The following UBE2H variants were observed in gnomAD, a reference collection of about 807,000 sequenced individuals.
UBE2H encodes ubiquitin-conjugating enzyme E2 H.
In UBE2H, 3 loss-of-function variants were observed where a neutral mutation model predicts 29.0. That is an observed-to-expected ratio of 0.10 (90% CI 0.05 to 0.27). The LOEUF is 0.27. Ranked by LOEUF, UBE2H falls within the 10% of genes least tolerant of loss-of-function variation. The probability of loss-of-function intolerance (pLI) is 1.00; values close to 1 mark genes in which losing one functional copy is unlikely to be tolerated. For missense variants in UBE2H, 68 were observed against 228.2 expected (o/e 0.30, Z 4.52); for synonymous variants, 69 against 82.9 (o/e 0.83, Z 0.91).
chr7:129,927,730 G>A (rs1807300009), intron 1 of UBE2H, among the ~76,000 whole-genome samples: 1 of 152,082 alleles, frequency 6.6e-6, no homozygotes, highest in Non-Finnish European at 1.5e-5. Context: ...GACATGTATC[G>A]CATATTCTCA....
At chr7:129,849,999 G>A (rs2727460) in intron 5 of UBE2H, among the ~76,000 whole-genome samples, 146,478 of 152,260 alleles carry the variant, frequency 0.96, 70,626 homozygotes, top group East Asian at 1. Flanking sequence ...TAAAAAAACA[G>A]AAACAGGTGA....
chr7:129,917,504 T>C (rs955819918), intron 1 of UBE2H, among the ~76,000 whole-genome samples: 1 of 152,136 alleles, frequency 6.6e-6, no homozygotes, highest in African/African-American at 2.4e-5. Context: ...CAAAAGACCA[T>C]GAGGCTGAGA....
At chr7:129,894,785 G>T (rs920720748) in intron 1 of UBE2H, among the ~76,000 whole-genome samples, 1 of 151,788 alleles carries the variant, frequency 6.6e-6, no homozygotes, top group South Asian at 2.1e-4. Context: ...CACCGCGCCC[G>T]GCCCATACCC....
At chr7:129,835,402 A>G (rs537688066) in intron 6 of UBE2H, among the ~76,000 whole-genome samples, 4 of 152,310 alleles carry the variant, frequency 2.6e-5, no homozygotes, top group African/African-American at 7.2e-5. Flanking sequence ...CATCTCCCAG[A>G]TAGTATAGGA....
chr7:129,884,077 C>T (rs1806308684), intron 1 of UBE2H, among the ~76,000 whole-genome samples: 1 of 152,108 alleles, frequency 6.6e-6, no homozygotes, highest in South Asian at 2.1e-4. Flanking sequence ...GCCTGGGTGA[C>T]AGAGTGTGAC....
At chr7:129,876,505 G>A (rs577366885) in intron 3 of UBE2H, among the ~76,000 whole-genome samples, 1 of 152,186 alleles carries the variant, frequency 6.6e-6, no homozygotes, top group Non-Finnish European at 1.5e-5. Context: ...AATATTCAGC[G>A]ATGTTATAGT....
At chr7:129,943,505 C>T (rs967418726) in intron 1 of UBE2H, among the ~76,000 whole-genome samples, 1 of 151,782 alleles carries the variant, frequency 6.6e-6, no homozygotes, top group East Asian at 1.9e-4. Flanking sequence ...TTAGGCCAAG[C>T]GCCGGGAGGC....
At chr7:129,862,448 T>A (rs1278233048) in intron 3 of UBE2H, among the ~76,000 whole-genome samples, 1 of 151,806 alleles carries the variant, frequency 6.6e-6, no homozygotes, top group Non-Finnish European at 1.5e-5. Context: ...TTAGAAAAAA[T>A]AAGTCCTACA....
intron 1 of UBE2H, among the ~76,000 whole-genome samples, chr7:129,912,269 G>A (rs1160215239): frequency 1.3e-5 from 2 of 152,170 alleles, no homozygotes; most frequent in Non-Finnish European, 2.9e-5. Context: ...TTTACTACAG[G>A]CTGAGTATTC....
chr7:129,939,383 T>C (rs1184081647), intron 1 of UBE2H, among the ~76,000 whole-genome samples: 1 of 152,138 alleles, frequency 6.6e-6, no homozygotes, highest in African/African-American at 2.4e-5. Context: ...GGAATACAAT[T>C]AAAAGAGTTA....
At chr7:129,880,745 G>T in intron 2 of UBE2H, 150 bp downstream of exon 2, 1 of 648,334 alleles carries the variant, frequency 1.5e-6, no homozygotes, top group Non-Finnish European at 2.6e-6. Context: ...TAAAGTGATT[G>T]TGATAAGAGA....
chr7:129,849,555 G>A (rs2116294265), intron 5 of UBE2H, among the ~76,000 whole-genome samples: 1 of 152,216 alleles, frequency 6.6e-6, no homozygotes, highest in South Asian at 2.1e-4. Flanking sequence ...TCCAGCCTGA[G>A]TGACAGAGCA....
rs570993990 is a variant in UBE2H, at chr7:129,865,853, A to AT, written c.206-6913dup. On this transcript the variant is annotated intron_variant, in intron 3 of 6. Transcript: ENST00000355621. Reference sequence around the variant, plus strand: ...ACTGAATCTCATCTTCCCTTGCAGTATCTCAGACTATAAATTATTTAAGGG... The same window carrying AT: ...ACTGAATCTCATCTTCCCTTGCAGTATTCTCAGACTATAAATTATTTAAGGG... Among the ~76,000 whole-genome samples, 30 of 152,340 alleles carry AT rather than the reference A, an allele frequency of 2.0e-4. 2 individuals are homozygous for AT. In the East Asian group the frequency reaches 3.9e-3, roughly 20 times the overall value.
At chr7:129,951,228 ACACT>A (rs1281577854) in intron 1 of UBE2H, 1 of 152,228 alleles carries the variant, frequency 6.6e-6, no homozygotes, top group African/African-American at 2.4e-5. Context: ...AAGAGGTAAA[ACACT>A]CAATCAAAAA....
chr7:129,892,413 G>C (rs547073607), intron 1 of UBE2H, among the ~76,000 whole-genome samples: 1 of 151,728 alleles, frequency 6.6e-6, no homozygotes, highest in Non-Finnish European at 1.5e-5. Context: ...CACCACGCCC[G>C]GCTAATTTTT....
intron 1 of UBE2H, among the ~76,000 whole-genome samples, chr7:129,919,147 G>C (rs760291352): frequency 2.7e-4 from 39 of 143,040 alleles, no homozygotes; most frequent in Non-Finnish European, 1.8e-4. Context: ...GCACATGGAT[G>C]AAAGGAAATG....
intron 3 of UBE2H, among the ~76,000 whole-genome samples, chr7:129,867,783 A>G (rs568994968): frequency 8.2e-5 from 9 of 109,910 alleles, no homozygotes; most frequent in Non-Finnish European, 1.7e-4. Flanking sequence ...AAATTAGATT[A>G]AAAAAAAAAA....
chr7:129,848,793 G>A (rs1042030870), intron 5 of UBE2H, among the ~76,000 whole-genome samples: 1 of 150,596 alleles, frequency 6.6e-6, no homozygotes, highest in Non-Finnish European at 1.5e-5. Flanking sequence ...ATTATTTTTG[G>A]TGGTGGTGGT....
intron 5 of UBE2H, among the ~76,000 whole-genome samples, chr7:129,851,810 A>AT (rs1186357244): frequency 1.3e-5 from 2 of 152,232 alleles, no homozygotes; most frequent in Non-Finnish European, 2.9e-5. Flanking sequence ...TTTTATGTAT[A>AT]TAACTAGTTA....
Sources: allele counts gnomAD v4.1 joint callset (sites outside exome capture counted in the v4.1 genomes callset), GRCh38; gene constraint gnomAD v4.1.1; transcripts MANE v1.5; gene names NCBI Gene and HGNC (gene_info 2026-07-23, HGNC 2026-07-21).